CNTN5: variants seen among roughly 807,000 people sequenced by gnomAD.
The protein encoded by CNTN5 is contactin-5.
In CNTN5, 77 loss-of-function variants were observed where a neutral mutation model predicts 129.1. That is an observed-to-expected ratio of 0.60 (90% CI 0.50 to 0.72). CNTN5 has a LOEUF of 0.72. Among genes scored for constraint, CNTN5 ranks in the 30% least tolerant of loss-of-function variants. The pLI, the probability that CNTN5 is intolerant of heterozygous loss-of-function variation, is 0.00. For synonymous variants in CNTN5, 509 were observed against 465.6 expected (o/e 1.09, Z -1.20); for missense variants, 1,478 against 1,328.8 (o/e 1.11, Z -1.75).
Position 99,291,400 on chromosome 11 carries a change from TA to T in CNTN5, c.-209-33943del, listed in dbSNP as rs1864165503. On this transcript the variant is annotated intron_variant, in intron 1 of 24. Coordinates refer to ENST00000524871, the MANE Select transcript of CNTN5 (RefSeq NM_014361.4). ...GATAAACATAATATTAAATGGCCAATAAATTGTTTAAAACAGCATTTGCTAT... is the reference window on the plus strand; with the variant it reads ...GATAAACATAATATTAAATGGCCAATAATTGTTTAAAACAGCATTTGCTAT... Among the ~76,000 whole-genome samples the T allele has an allele frequency of 2.0e-5, 3 of 151,152 alleles. No homozygotes were observed. The South Asian group carries it at 6.2e-4, about 31-fold the overall frequency.
chr11:99,767,329 T>C (rs1944789400), intron 3 of CNTN5, among the ~76,000 whole-genome samples: 1 of 152,014 alleles, frequency 6.6e-6, no homozygotes, highest in African/African-American at 2.4e-5. Flanking sequence ...TGTAGAACTG[T>C]GATAGAGGAA....
At position 99,708,078 on chromosome 11, in the gene CNTN5, C is replaced by A. The variant is rs1224217311; in HGVS notation, c.56-111466C>A. On this transcript the variant is annotated intron_variant, in intron 3 of 24. Coordinates refer to ENST00000524871, the MANE Select transcript of CNTN5 (RefSeq NM_014361.4). Reference sequence around the variant, plus strand: ...AAGTTGAAATATGGACATGAGCGACCTTCAGAGGTCAAACCTTAAAAGCCA... The same window carrying A: ...AAGTTGAAATATGGACATGAGCGACATTCAGAGGTCAAACCTTAAAAGCCA... 2.6e-5 allele frequency among the ~76,000 whole-genome samples: 4 copies of A among 151,564 alleles called. No homozygotes were observed. In the Admixed American group the frequency reaches 2.6e-4, roughly 10 times the overall value.
At chr11:99,112,326 C>A (rs950242445) in intron 1 of CNTN5, among the ~76,000 whole-genome samples, 8 of 151,920 alleles carry the variant, frequency 5.3e-5, no homozygotes, top group African/African-American at 1.9e-4. Context: ...GATTCTTAAT[C>A]TCAAGAAGGT....
chr11:99,981,077 G>GAT (rs372749441), intron 8 of CNTN5, among the ~76,000 whole-genome samples: 2,624 of 57,344 alleles, frequency 0.046, 159 homozygotes, highest in African/African-American at 0.14. Flanking sequence ...GAGCCAATAG[G>GAT]ATATATATAT....
intron 1 of CNTN5, among the ~76,000 whole-genome samples, chr11:99,286,499 A>G (rs1471176936): frequency 2.0e-5 from 3 of 152,210 alleles, no homozygotes; most frequent in Non-Finnish European, 2.9e-5. Context: ...TGGACTTAGT[A>G]GGAGACTTAA....
chr11:99,737,104 A>T (rs989423774), intron 3 of CNTN5, among the ~76,000 whole-genome samples: 1 of 151,396 alleles, frequency 6.6e-6, no homozygotes, highest in Non-Finnish European at 1.5e-5. Context: ...AAGGGAAAAA[A>T]CTCTTTAACC....
chr11:99,088,790 C>G (rs970848712), intron 1 of CNTN5, among the ~76,000 whole-genome samples: 1 of 152,090 alleles, frequency 6.6e-6, no homozygotes, highest in African/African-American at 2.4e-5. Flanking sequence ...AGGATGGAGA[C>G]CTTGAATTTA....
At chr11:99,702,807 G>T (rs932861798) in intron 3 of CNTN5, among the ~76,000 whole-genome samples, 9 of 150,770 alleles carry the variant, frequency 6.0e-5, no homozygotes, top group African/African-American at 2.2e-4. Context: ...TTGAAATATT[G>T]GTTTGAAAAG....
intron 9 of CNTN5, among the ~76,000 whole-genome samples, chr11:100,026,232 ACTT>A (rs1259762253): frequency 4.6e-5 from 7 of 151,982 alleles, no homozygotes; most frequent in African/African-American, 7.3e-5. Context: ...TTTGCTCCAC[ACTT>A]CTTCTTCCTG....
intron 13 of CNTN5, among the ~76,000 whole-genome samples, chr11:100,178,028 C>T (rs1221347195): frequency 1.3e-5 from 2 of 152,062 alleles, no homozygotes; most frequent in African/African-American, 2.4e-5. Context: ...GAGGCAAAAG[C>T]AGAGAGTACC....
chr11:99,374,123 T>A (rs1940006583), intron 2 of CNTN5, among the ~76,000 whole-genome samples: 1 of 152,212 alleles, frequency 6.6e-6, no homozygotes, highest in South Asian at 2.1e-4. Context: ...CGCTAACTGG[T>A]TAATGACACA....
chr11:99,142,477 A>G (rs762551342), intron 1 of CNTN5, among the ~76,000 whole-genome samples: 1 of 151,860 alleles, frequency 6.6e-6, no homozygotes, highest in African/African-American at 2.4e-5. Context: ...CTGGTGTAGG[A>G]GCTATGGTAG....
At chr11:99,451,187 G>T (rs1222143251) in intron 2 of CNTN5, among the ~76,000 whole-genome samples, 1 of 152,006 alleles carries the variant, frequency 6.6e-6, no homozygotes, top group African/African-American at 2.4e-5. Context: ...TTAAAATTAG[G>T]TAAATTACTA....
intron 2 of CNTN5, among the ~76,000 whole-genome samples, chr11:99,550,430 T>C (rs1167065663): frequency 1.3e-5 from 2 of 152,154 alleles, no homozygotes; most frequent in Non-Finnish European, 2.9e-5. Context: ...GCAATTCACC[T>C]CAAAAACTTA....
chr11:99,153,686 A>G (rs1190646936), intron 1 of CNTN5, among the ~76,000 whole-genome samples: 1 of 151,922 alleles, frequency 6.6e-6, no homozygotes, highest in Non-Finnish European at 1.5e-5. Flanking sequence ...TTTCTGGGGT[A>G]TGAGTGCAGT....
chr11:99,314,366 G>T (rs376109172), intron 1 of CNTN5, among the ~76,000 whole-genome samples: 2 of 152,070 alleles, frequency 1.3e-5, no homozygotes, highest in African/African-American at 4.8e-5. Flanking sequence ...TCTACTACAT[G>T]AAGCATTCTG....
intron 7 of CNTN5, among the ~76,000 whole-genome samples, chr11:99,954,463 G>A (rs971231051): frequency 2.0e-5 from 3 of 152,028 alleles, no homozygotes; most frequent in East Asian, 1.9e-4. Context: ...GAATAAGATC[G>A]GCATGCATTC....
At chr11:99,973,049 TA>T (rs1386077270) in intron 8 of CNTN5, among the ~76,000 whole-genome samples, 1 of 151,848 alleles carries the variant, frequency 6.6e-6, no homozygotes, top group African/African-American at 2.4e-5. Flanking sequence ...TAGGGTTGCC[TA>T]AAAAAAGGTG....
intron 3 of CNTN5, among the ~76,000 whole-genome samples, chr11:99,634,614 G>C (rs559900113): frequency 6.6e-6 from 1 of 152,156 alleles, no homozygotes; most frequent in Admixed American, 6.5e-5. Flanking sequence ...TAATGTTCCT[G>C]TTAGTCTCTC....
Sources: allele counts gnomAD v4.1 joint callset (sites outside exome capture counted in the v4.1 genomes callset), GRCh38; gene constraint gnomAD v4.1.1; transcripts MANE v1.5; gene names NCBI Gene and HGNC (gene_info 2026-07-23, HGNC 2026-07-21).